Variants in NRG3 observed in about 807,000 individuals in gnomAD.
NRG3 encodes neuregulin 3.
A neutral mutation model predicts 66.9 loss-of-function variants in NRG3; 31 were observed. The observed-to-expected ratio is 0.46, with a 90% CI of 0.35 to 0.63. The LOEUF is 0.63. Ranked by LOEUF, NRG3 falls within the 20% of genes least tolerant of loss-of-function variation. The pLI is 0.00. For missense variants in NRG3, 910 were observed against 878.9 expected, an observed-to-expected ratio of 1.04 and a Z score of -0.45; for synonymous variants, 393 against 359.4, an observed-to-expected ratio of 1.09 and a Z score of -1.06.
intron 3 of NRG3, among the ~76,000 whole-genome samples, chr10:82,806,238 C>G (rs925302023): frequency 1.3e-5 from 2 of 152,156 alleles, no homozygotes; most frequent in East Asian, 3.9e-4. Context: ...CTTATTGACA[C>G]TTCCTGTTAT....
intron 3 of NRG3, among the ~76,000 whole-genome samples, chr10:82,826,233 C>G (rs929632228): frequency 6.6e-6 from 1 of 152,172 alleles, no homozygotes; most frequent in African/African-American, 2.4e-5. Context: ...AAAGAATCTT[C>G]AACTCAAAGA....
chr10:82,290,099 C>T (rs2079639930), intron 1 of NRG3, among the ~76,000 whole-genome samples: 1 of 152,188 alleles, frequency 6.6e-6, no homozygotes, highest in African/African-American at 2.4e-5. Flanking sequence ...CTGTTGCTGG[C>T]AGTGACACCT....
intron 3 of NRG3, among the ~76,000 whole-genome samples, chr10:82,760,880 A>G (rs923314117): frequency 1.3e-5 from 2 of 151,958 alleles, no homozygotes; most frequent in East Asian, 3.9e-4. Context: ...AATGTATATT[A>G]CAAATGTAAA....
At chr10:82,692,791 C>T (rs771102813) in intron 2 of NRG3, among the ~76,000 whole-genome samples, 1 of 152,230 alleles carries the variant, frequency 6.6e-6, no homozygotes, top group Non-Finnish European at 1.5e-5. Flanking sequence ...TGCAGGGATT[C>T]TTCCGTATCT....
chr10:82,635,544 G>A (rs962123920), intron 2 of NRG3, among the ~76,000 whole-genome samples: 2 of 152,024 alleles, frequency 1.3e-5, no homozygotes, highest in Non-Finnish European at 2.9e-5. Flanking sequence ...AGGGGAAAAC[G>A]CCCCTTCTTA....
chr10:82,317,271 G>T (rs1343963571), intron 1 of NRG3, among the ~76,000 whole-genome samples: 2 of 150,004 alleles, frequency 1.3e-5, no homozygotes, highest in African/African-American at 2.5e-5. Context: ...AATCTAGTTT[G>T]CCAAGCTAAA....
At chr10:82,251,998 G>A (rs2077510769) in intron 1 of NRG3, among the ~76,000 whole-genome samples, 1 of 152,104 alleles carries the variant, frequency 6.6e-6, no homozygotes, top group Admixed American at 6.5e-5. Flanking sequence ...TTTCTTGGAA[G>A]GCATCGCCCC....
chr10:82,335,668 C>CA (rs959756268), intron 1 of NRG3, among the ~76,000 whole-genome samples: 11 of 151,238 alleles, frequency 7.3e-5, no homozygotes, highest in South Asian at 2.1e-4. Flanking sequence ...GAAAAACAAA[C>CA]AAAAAAAAGA....
chr10:82,152,101 C>A (rs1239165140), intron 1 of NRG3, among the ~76,000 whole-genome samples: 1 of 152,144 alleles, frequency 6.6e-6, no homozygotes, highest in Non-Finnish European at 1.5e-5. Flanking sequence ...GAGTCAAAGT[C>A]TCTGTCTTAA....
At chr10:82,582,945 C>G (rs2046449253) in intron 2 of NRG3, among the ~76,000 whole-genome samples, 1 of 152,050 alleles carries the variant, frequency 6.6e-6, no homozygotes, top group Non-Finnish European at 1.5e-5. Flanking sequence ...GTCATTTTCT[C>G]CCCTAGGACA....
intron 3 of NRG3, among the ~76,000 whole-genome samples, chr10:82,773,845 A>G (rs1215557580): frequency 6.6e-6 from 1 of 152,180 alleles, no homozygotes; most frequent in Non-Finnish European, 1.5e-5. Flanking sequence ...TGAGATTTTC[A>G]TTAATAGCTT....
At chr10:81,924,768 G>T (rs1215736188) in intron 1 of NRG3, among the ~76,000 whole-genome samples, 1 of 152,168 alleles carries the variant, frequency 6.6e-6, no homozygotes, top group Non-Finnish European at 1.5e-5. Context: ...ATCAAAGAAG[G>T]TCGGTCACTG....
intron 1 of NRG3, among the ~76,000 whole-genome samples, chr10:82,222,682 C>G (rs1219860950): frequency 6.6e-6 from 1 of 151,980 alleles, no homozygotes; most frequent in African/African-American, 2.4e-5. Flanking sequence ...TCCCTGCAAG[C>G]TCTTTATTTT....
At chr10:82,380,111 A>C (rs1458443246) in intron 2 of NRG3, among the ~76,000 whole-genome samples, 1 of 151,832 alleles carries the variant, frequency 6.6e-6, no homozygotes, top group Non-Finnish European at 1.5e-5. Context: ...TTCTTTTTTT[A>C]TGTCTAAAAA....
chr10:82,490,496 C>T (rs1002169310), intron 2 of NRG3, among the ~76,000 whole-genome samples: 1 of 152,154 alleles, frequency 6.6e-6, no homozygotes, highest in African/African-American at 2.4e-5. Flanking sequence ...AAGCTCTTCA[C>T]ACAGGAGCAT....
At chr10:82,586,867 G>T (rs2046703099) in intron 2 of NRG3, among the ~76,000 whole-genome samples, 1 of 152,106 alleles carries the variant, frequency 6.6e-6, no homozygotes, top group Non-Finnish European at 1.5e-5. Context: ...TAATCAAAAA[G>T]ATATTTTGAA....
intron 2 of NRG3, among the ~76,000 whole-genome samples, chr10:82,665,792 C>T (rs905213552): frequency 6.6e-6 from 1 of 152,142 alleles, no homozygotes; most frequent in Non-Finnish European, 1.5e-5. Context: ...CCATTGAACC[C>T]ACCCTCTCTG....
chr10:82,127,349 T>C (rs1224791416), intron 1 of NRG3, among the ~76,000 whole-genome samples: 1 of 152,096 alleles, frequency 6.6e-6, no homozygotes, highest in East Asian at 1.9e-4. Context: ...TTGGTTGGCT[T>C]CTCTACCTGC....
At chr10:82,753,949 A>C (rs1355557063) in intron 3 of NRG3, among the ~76,000 whole-genome samples, 1 of 151,658 alleles carries the variant, frequency 6.6e-6, no homozygotes, top group Non-Finnish European at 1.5e-5. Context: ...CCATCTCAAA[A>C]AAAAAAAAAA....
Sources: allele counts gnomAD v4.1 joint callset (sites outside exome capture counted in the v4.1 genomes callset), GRCh38; gene constraint gnomAD v4.1.1; transcripts MANE v1.5; gene names NCBI Gene and HGNC (gene_info 2026-07-23, HGNC 2026-07-21).